TAFA1: variants seen among roughly 807,000 people sequenced by gnomAD.
TAFA1 encodes TAFA chemokine like family member 1.
Under a neutral mutation model 18.5 loss-of-function variants are expected in TAFA1, and 4 were observed. The ratio of observed to expected loss-of-function variants is 0.22; its 90% CI spans 0.11 to 0.49. The LOEUF (loss-of-function observed/expected upper bound fraction) is 0.49, where lower values mean the gene tolerates loss of function less well. Ranked by LOEUF, TAFA1 falls within the 20% of genes least tolerant of loss-of-function variation. The pLI, the probability that TAFA1 is intolerant of heterozygous loss-of-function variation, is 0.98. For missense variants in TAFA1, 147 were observed against 169.0 expected (o/e 0.87, Z 0.72); for synonymous variants, 56 against 55.2 (o/e 1.01, Z -0.06).
intron 2 of TAFA1, among the ~76,000 whole-genome samples, chr3:68,221,861 A>G (rs72924516): frequency 0.13 from 19,777 of 152,138 alleles, 1,466 homozygotes; most frequent in African/African-American, 0.2. Flanking sequence ...ATTTTGCAAA[A>G]TAATTTGAAC....
intron 2 of TAFA1, among the ~76,000 whole-genome samples, chr3:68,144,011 CT>C (rs2065704379): frequency 7.1e-6 from 1 of 140,458 alleles, no homozygotes; most frequent in African/African-American, 2.6e-5. Context: ...TTTTTAAGTT[CT>C]TTTTGTTTTT....
chr3:68,151,356 G>A (rs1421090812), intron 2 of TAFA1, among the ~76,000 whole-genome samples: 1 of 152,110 alleles, frequency 6.6e-6, no homozygotes, highest in African/African-American at 2.4e-5. Context: ...AGTAAGGCAG[G>A]CAGCTTTTCT....
chr3:68,355,782 C>G (rs1021356715), intron 2 of TAFA1, among the ~76,000 whole-genome samples: 1 of 151,870 alleles, frequency 6.6e-6, no homozygotes, highest in East Asian at 1.9e-4. Context: ...TTCTTATGTT[C>G]AAAGCTAGAA....
chr3:68,030,930 C>T (rs908337985), intron 2 of TAFA1, among the ~76,000 whole-genome samples: 1 of 152,048 alleles, frequency 6.6e-6, no homozygotes, highest in South Asian at 2.1e-4. Flanking sequence ...TTAGAGAGAC[C>T]ACAAGTCAGC....
intron 3 of TAFA1, among the ~76,000 whole-genome samples, chr3:68,429,851 T>G (rs188122730): frequency 7.4e-4 from 113 of 152,072 alleles, no homozygotes; most frequent in Non-Finnish European, 1.1e-3. Context: ...AATGCCCACC[T>G]GTGAGTCCTT....
intron 2 of TAFA1, among the ~76,000 whole-genome samples, chr3:68,363,334 T>C (rs2069504993): frequency 6.6e-6 from 1 of 152,194 alleles, no homozygotes; most frequent in Admixed American, 6.6e-5. Context: ...CGATGGGTCC[T>C]GGGTTGCACC....
intron 3 of TAFA1, among the ~76,000 whole-genome samples, chr3:68,460,317 C>T (rs952303774): frequency 3.9e-5 from 6 of 152,162 alleles, no homozygotes; most frequent in Non-Finnish European, 8.8e-5. Flanking sequence ...TCTCGTCTTA[C>T]CTCATGAAGA....
At chr3:68,080,125 A>G (rs934161102) in intron 2 of TAFA1, among the ~76,000 whole-genome samples, 26 of 152,290 alleles carry the variant, frequency 1.7e-4, no homozygotes, top group Middle Eastern at 3.4e-3. Context: ...ACCAGAGACT[A>G]GGATTGCAAC....
At chr3:68,388,366 T>C (rs114126891) in intron 2 of TAFA1, among the ~76,000 whole-genome samples, 2,673 of 152,296 alleles carry the variant, frequency 0.018, 46 homozygotes, top group Middle Eastern at 0.037. Context: ...CATTAGCAAA[T>C]TTAGTAACTA....
intron 3 of TAFA1, among the ~76,000 whole-genome samples, chr3:68,479,241 A>T (rs376369033): frequency 0.012 from 1,497 of 123,588 alleles, 15 homozygotes; most frequent in African/African-American, 0.024. Context: ...AAAAAAAAAA[A>T]ATATATATAT....
intron 2 of TAFA1, among the ~76,000 whole-genome samples, chr3:68,159,839 C>G (rs755379788): frequency 1.6e-4 from 24 of 152,232 alleles, no homozygotes; most frequent in Non-Finnish European, 2.8e-4. Context: ...CCCCCACCTG[C>G]TCATTTCTAT....
chr3:68,194,839 G>A (rs908187469), intron 2 of TAFA1, among the ~76,000 whole-genome samples: 1 of 151,682 alleles, frequency 6.6e-6, no homozygotes. Context: ...GGTTTTGTTG[G>A]TAAAGTGTAT....
intron 2 of TAFA1, among the ~76,000 whole-genome samples, chr3:68,117,430 C>T (rs964580782): frequency 6.6e-6 from 1 of 152,050 alleles, no homozygotes; most frequent in Non-Finnish European, 1.5e-5. Flanking sequence ...ATTAGAGTAG[C>T]GGGTATGATT....
intron 2 of TAFA1, among the ~76,000 whole-genome samples, chr3:68,296,020 C>T (rs1020433563): frequency 2.6e-5 from 4 of 152,194 alleles, no homozygotes; most frequent in Non-Finnish European, 5.9e-5. Flanking sequence ...CTTTGATTCT[C>T]TGTCGACAAC....
rs531763088 is a variant in TAFA1 at position 68,085,792 on chromosome 3, A to G, written c.118+79048A>G. Among the ~76,000 whole-genome samples the G allele has an allele frequency of 3.3e-5, 5 of 152,246 alleles. 2 individuals are homozygous for G. Among genetic ancestry groups the G allele is most frequent in the African/African-American group, 1.2e-4 (5 of 41,536 alleles). On this transcript the variant is annotated intron_variant, in intron 2 of 4. Coordinates refer to ENST00000478136, the MANE Select transcript of TAFA1 (RefSeq NM_213609.4). ...TATTCTTTAGCTGAGTGGGTTTTCA[A>G]TCAACTCCCTCAAAGTATACTCCCT...
chr3:68,219,928 TAGG>T (rs2066709455), intron 2 of TAFA1, among the ~76,000 whole-genome samples: 1 of 152,106 alleles, frequency 6.6e-6, no homozygotes, highest in Admixed American at 6.5e-5. Flanking sequence ...CAGAAAAAAA[TAGG>T]AGACCTTATC....
In TAFA1 at chr3:68,518,421, G is replaced by A. The variant is rs2072961059; in HGVS notation, c.260-20335G>A. Among the ~76,000 whole-genome samples the A allele has an allele frequency of 2.0e-5, 3 of 152,222 alleles. No homozygotes were observed. In the South Asian group the frequency reaches 6.2e-4, roughly 32 times the overall value. On this transcript the variant is annotated intron_variant, in intron 3 of 4. Coordinates refer to ENST00000478136, the MANE Select transcript of TAFA1 (RefSeq NM_213609.4). ...GCAATTAAATAGTGTCCTTTATTAA[G>A]CTGATAGTTTTTTAAGGATATGCAC...
intron 2 of TAFA1, among the ~76,000 whole-genome samples, chr3:68,224,146 T>C (rs2066767211): frequency 6.6e-6 from 1 of 152,016 alleles, no homozygotes; most frequent in South Asian, 2.1e-4. Flanking sequence ...TAAAATATTT[T>C]AGAAAGATTT....
chr3:68,093,767 G>T (rs542931518), intron 2 of TAFA1, among the ~76,000 whole-genome samples: 9 of 151,808 alleles, frequency 5.9e-5, no homozygotes, highest in African/African-American at 1.7e-4. Flanking sequence ...GGCTACCAAA[G>T]TTGGATAAAG....
Sources: gnomAD v4.1 joint callset for allele counts (sites outside exome capture counted in the v4.1 genomes callset) on GRCh38, gnomAD v4.1.1 for gene constraint, MANE v1.5 for transcripts, NCBI Gene and HGNC (gene_info 2026-07-23, HGNC 2026-07-21) for gene names.